The following FSTL4 variants were observed in gnomAD, a reference collection of about 807,000 sequenced individuals.
The protein encoded by FSTL4 is follistatin like 4.
In FSTL4, 28 loss-of-function variants were observed where a neutral mutation model predicts 78.2. The ratio of observed to expected loss-of-function variants is 0.36; its 90% confidence interval spans 0.27 to 0.49. The LOEUF (loss-of-function observed/expected upper bound fraction) is 0.49, where lower values mean the gene tolerates loss of function less well. Among genes scored for constraint, FSTL4 ranks in the 20% least tolerant of loss-of-function variants. The pLI, the probability that FSTL4 is intolerant of heterozygous loss-of-function variation, is 0.98. For missense variants in FSTL4, 922 were observed against 1,084.9 expected, an observed-to-expected ratio of 0.85 and a Z score of 2.11; for synonymous variants, 422 against 440.5, an observed-to-expected ratio of 0.96 and a Z score of 0.53.
At chr5:133,400,366 T>C (rs1425941425) in intron 4 of FSTL4, among the ~76,000 whole-genome samples, 1 of 152,214 alleles carries the variant, frequency 6.6e-6, no homozygotes, top group Non-Finnish European at 1.5e-5. Flanking sequence ...CACAGCCTCC[T>C]GATTCATGGG....
chr5:133,769,293 C>T, the FSTL4 span, among the ~76,000 whole-genome samples: 1 of 152,140 alleles, frequency 6.6e-6, no homozygotes, highest in African/African-American at 2.4e-5. Context: ...GGAAATGTGC[C>T]CAATAGCACA....
At chr5:133,790,456 G>T in the FSTL4 span, among the ~76,000 whole-genome samples, 1 of 152,158 alleles carries the variant, frequency 6.6e-6, no homozygotes, top group Non-Finnish European at 1.5e-5. Context: ...TAAAATGTTA[G>T]CTCTGAGTGT....
At chr5:133,364,939 T>C (rs1258325165) in intron 4 of FSTL4, among the ~76,000 whole-genome samples, 1 of 152,182 alleles carries the variant, frequency 6.6e-6, no homozygotes, top group African/African-American at 2.4e-5. Context: ...CTTTTTAAGG[T>C]GAGCTTTCCA....
the FSTL4 span, among the ~76,000 whole-genome samples, chr5:133,780,103 A>G: frequency 1.3e-5 from 2 of 152,174 alleles, no homozygotes; most frequent in South Asian, 4.1e-4. Context: ...GTCATGGGTC[A>G]AGGGCTGCCC....
intron 2 of FSTL4, among the ~76,000 whole-genome samples, chr5:133,580,577 G>T (rs544500922): frequency 6.6e-6 from 1 of 152,346 alleles, no homozygotes; most frequent in Admixed American, 6.5e-5. Flanking sequence ...AAGGAAGGGG[G>T]ATAGACTGCC....
chr5:133,726,307 T>G, the FSTL4 span, among the ~76,000 whole-genome samples: 10 of 152,256 alleles, frequency 6.6e-5, no homozygotes, highest in South Asian at 2.1e-4. Flanking sequence ...TGCCGAACAT[T>G]TATATACTTG....
At chr5:133,673,735 ATCT>A in the FSTL4 span, among the ~76,000 whole-genome samples, 1 of 152,160 alleles carries the variant, frequency 6.6e-6, no homozygotes, top group Non-Finnish European at 1.5e-5. Flanking sequence ...TAAATAAAAC[ATCT>A]TCTCTGCCTC....
intron 3 of FSTL4, among the ~76,000 whole-genome samples, chr5:133,493,271 T>C (rs1382805990): frequency 6.6e-6 from 1 of 152,200 alleles, no homozygotes; most frequent in Non-Finnish European, 1.5e-5. Context: ...GGTTGAGATT[T>C]TCTTTTTCCC....
At chr5:133,208,662 T>C (rs1345360550) in intron 14 of FSTL4, among the ~76,000 whole-genome samples, 1 of 152,222 alleles carries the variant, frequency 6.6e-6, no homozygotes, top group Non-Finnish European at 1.5e-5. Context: ...TGGGTCTCAG[T>C]AGAAACCATG....
chr5:133,575,724 T>C (rs1228578725), intron 2 of FSTL4, among the ~76,000 whole-genome samples: 4 of 152,202 alleles, frequency 2.6e-5, no homozygotes, highest in Non-Finnish European at 4.4e-5. Flanking sequence ...CCTGGATGCA[T>C]TGTCTAAGGA....
the FSTL4 span, among the ~76,000 whole-genome samples, chr5:133,795,741 G>C: frequency 6.6e-6 from 1 of 152,208 alleles, no homozygotes; most frequent in Non-Finnish European, 1.5e-5. Context: ...TCTGGAGAAA[G>C]ACACAAGTGC....
intron 3 of FSTL4, among the ~76,000 whole-genome samples, chr5:133,538,048 A>C (rs964383175): frequency 6.6e-6 from 1 of 152,106 alleles, no homozygotes; most frequent in Non-Finnish European, 1.5e-5. Flanking sequence ...CAGCATTGTT[A>C]TGATGCTTTT....
chr5:133,638,922 G>GTT, the FSTL4 span, among the ~76,000 whole-genome samples: 149 of 151,634 alleles, frequency 9.8e-4, no homozygotes, highest in Non-Finnish European at 1.6e-3. Flanking sequence ...TGTATTTTAG[G>GTT]TTTTTTTTAA....
Position 133,225,769 on chromosome 5 carries a change from C to T in FSTL4, c.1066G>A (p.Val356Met). Residue 356 changes from valine (V) to methionine (M), a missense_variant, in exon 9 of 16, where the codon GTG (valine) becomes ATG (methionine). Transcript: ENST00000265342. This position sits in a 1 kb window ranked among gnomAD's most constrained non-coding sequence, Gnocchi z 4.6. ...YPESQAQEPG[V>M]AASLRCHAEG... ...GCATGGCATCTTAGGCTGGCTGCCACTCCAGGCTCCTGTGCCTGGCTCTCT... is the reference window on the plus strand; with the variant it reads ...GCATGGCATCTTAGGCTGGCTGCCATTCCAGGCTCCTGTGCCTGGCTCTCT... The T allele has an allele frequency of 6.2e-7, 1 of 1,609,878 alleles. No individual in the cohort carries two copies. The highest frequency in any genetic ancestry group is 2.2e-5 in the East Asian group (1 of 44,794).
chr5:133,600,677 G>GCA (rs1760846262), intron 2 of FSTL4, among the ~76,000 whole-genome samples: 1 of 152,184 alleles, frequency 6.6e-6, no homozygotes, highest in African/African-American at 2.4e-5. Context: ...AAAAATATGT[G>GCA]CACACACACG....
intron 3 of FSTL4, among the ~76,000 whole-genome samples, chr5:133,487,073 G>T (rs1037123848): frequency 2.0e-5 from 3 of 152,178 alleles, no homozygotes; most frequent in African/African-American, 7.2e-5. Flanking sequence ...GTATCTGGGG[G>T]TAGTGGGTCT....
At chr5:133,570,053 C>CA (rs1463219513) in intron 2 of FSTL4, among the ~76,000 whole-genome samples, 1 of 151,338 alleles carries the variant, frequency 6.6e-6, no homozygotes, top group Non-Finnish European at 1.5e-5. Context: ...ACTAAAAATA[C>CA]AAAAAATTAG....
the FSTL4 span, among the ~76,000 whole-genome samples, chr5:133,789,071 G>A: frequency 6.6e-6 from 1 of 152,216 alleles, no homozygotes; most frequent in Non-Finnish European, 1.5e-5. Context: ...AAACAAGGAT[G>A]CCAGCCTCCT....
chr5:133,301,313 T>A (rs1753532793), intron 6 of FSTL4, among the ~76,000 whole-genome samples: 1 of 152,168 alleles, frequency 6.6e-6, no homozygotes, highest in Non-Finnish European at 1.5e-5. Context: ...CTTTGGGCCT[T>A]GGTTTCCTTA....
Sources: gnomAD v4.1 joint callset for allele counts (sites outside exome capture counted in the v4.1 genomes callset) on GRCh38, gnomAD v4.1.1 for gene constraint, Gnocchi (gnomAD v3.1) non-coding constraint, MANE v1.5 for transcripts, NCBI Gene and HGNC (gene_info 2026-07-23, HGNC 2026-07-21) for gene names.